The following SIL1 variants were observed in gnomAD, a reference collection of about 807,000 sequenced individuals.
The protein encoded by SIL1 is nucleotide exchange factor SIL1.
SIL1 carries 40 observed loss-of-function variants against 49.1 expected under a neutral mutation model. That is an observed-to-expected ratio of 0.81 (90% confidence interval 0.63 to 1.06). The LOEUF (loss-of-function observed/expected upper bound fraction) is 1.06, where lower values mean the gene tolerates loss of function less well. Among genes scored for constraint, SIL1 ranks in the 50% least tolerant of loss-of-function variants. SIL1 has a pLI of 0.00. For synonymous variants in SIL1, 253 were observed against 250.8 expected, an observed-to-expected ratio of 1.01 and a Z score of -0.08; for missense variants, 500 against 572.6, an observed-to-expected ratio of 0.87 and a Z score of 1.29.
intron 1 of SIL1, among the ~76,000 whole-genome samples, chr5:139,170,213 G>C (rs1173898000): frequency 1.3e-5 from 2 of 152,070 alleles, no homozygotes; most frequent in African/African-American, 4.8e-5. Context: ...ATCTCGGCTC[G>C]CTACAACCTC....
chr5:139,126,534 T>G (rs546082605), intron 2 of SIL1, among the ~76,000 whole-genome samples: 2 of 152,244 alleles, frequency 1.3e-5, no homozygotes, highest in Admixed American at 1.3e-4. Context: ...CGCCAACCCA[T>G]GCCAGAGACA....
intron 1 of SIL1, among the ~76,000 whole-genome samples, chr5:139,171,673 C>A (rs952407784): frequency 2.1e-5 from 3 of 144,774 alleles, no homozygotes; most frequent in Non-Finnish European, 4.5e-5. Flanking sequence ...TCCCCCTCTG[C>A]GAGAAACACC....
At chr5:139,002,735 G>A (rs1228983925) in intron 7 of SIL1, among the ~76,000 whole-genome samples, 1 of 152,132 alleles carries the variant, frequency 6.6e-6, no homozygotes, top group Non-Finnish European at 1.5e-5. Context: ...AGTTGCTGAG[G>A]TTACTGTTTG....
At chr5:138,984,899 T>C (rs1281597763) in intron 7 of SIL1, among the ~76,000 whole-genome samples, 1 of 152,178 alleles carries the variant, frequency 6.6e-6, no homozygotes, top group Non-Finnish European at 1.5e-5. Flanking sequence ...GATGAGATGC[T>C]TCTCAGGCGC....
At chr5:139,055,590 C>T (rs1216241479) in intron 3 of SIL1, among the ~76,000 whole-genome samples, 1 of 95,592 alleles carries the variant, frequency 1.0e-5, no homozygotes, top group Non-Finnish European at 2.1e-5. Context: ...ACATCACTGA[C>T]TCTCCCTCTC....
At chr5:139,021,546 A>T (rs1183018116) in intron 6 of SIL1, among the ~76,000 whole-genome samples, 1 of 152,222 alleles carries the variant, frequency 6.6e-6, no homozygotes, top group Non-Finnish European at 1.5e-5. Flanking sequence ...GCTATTGCTT[A>T]TGCCAAACAT....
intron 7 of SIL1, among the ~76,000 whole-genome samples, chr5:139,020,630 C>T (rs1012540529): frequency 1.3e-5 from 2 of 152,180 alleles, no homozygotes; most frequent in Non-Finnish European, 2.9e-5. Flanking sequence ...TCTACTCTTT[C>T]GAGATGCTAC....
At chr5:139,187,047 C>A (rs985443596) in intron 1 of SIL1, among the ~76,000 whole-genome samples, 2 of 152,194 alleles carry the variant, frequency 1.3e-5, no homozygotes, top group Non-Finnish European at 2.9e-5. Context: ...TTACACTCAG[C>A]ATTATGCTAA....
chr5:139,056,954 T>C (rs1034288403), intron 3 of SIL1, among the ~76,000 whole-genome samples: 5 of 152,122 alleles, frequency 3.3e-5, no homozygotes, highest in African/African-American at 1.2e-4. Flanking sequence ...TGGGAGACTT[T>C]TCATTTTGTT....
intron 4 of SIL1, among the ~76,000 whole-genome samples, chr5:139,043,103 T>C (rs1213440211): frequency 6.6e-6 from 1 of 152,202 alleles, no homozygotes; most frequent in East Asian, 1.9e-4. Context: ...TGTACTATCA[T>C]ACCTTTGTCT....
chr5:138,970,312 C>G (rs1023315830), intron 7 of SIL1, among the ~76,000 whole-genome samples: 1 of 152,172 alleles, frequency 6.6e-6, no homozygotes, highest in Admixed American at 6.5e-5. Flanking sequence ...GGCAAGCACC[C>G]AATGTGTGCA....
intron 7 of SIL1, among the ~76,000 whole-genome samples, chr5:138,979,758 G>A (rs1382250734): frequency 6.6e-6 from 1 of 152,216 alleles, no homozygotes; most frequent in Non-Finnish European, 1.5e-5. Flanking sequence ...CTTGCCAGGA[G>A]GCAGGGGTGA....
rs1750992527 is a variant in SIL1, at chr5:139,137,258, CCT to C, written c.-10-9407_-10-9406del. ...TAGTTCATTTACTCTTCACGACAAC[CCT>C]CTGAGGTGGTTCCAATATGCTGCTC... is the stretch of plus-strand genomic sequence containing the variant. On this transcript the variant is annotated intron_variant, in intron 1 of 9. Coordinates refer to ENST00000394817, the MANE Select transcript of SIL1 (RefSeq NM_022464.5). 1.4e-5 allele frequency: 10 copies of C among 699,292 alleles called. No homozygotes were observed. The Middle Eastern group carries it at 6.9e-4, about 48-fold the overall frequency. 43.3% of individuals were successfully genotyped at this position (699,292 alleles called of 1,614,324 possible). A position where few individuals can be genotyped will look rare whatever the true frequency, so the allele number is the denominator to read the frequency against.
chr5:139,032,745 A>G (rs1768819983), intron 5 of SIL1: 1 of 152,332 alleles, frequency 6.6e-6, no homozygotes, highest in South Asian at 2.1e-4. Context: ...TTTAATGGTT[A>G]TAGGACTACT....
Position 138,966,085 on chromosome 5 carries a change from C to T in SIL1, c.768-14201G>A, listed in dbSNP as rs11951485. 8.6e-4 allele frequency among the ~76,000 whole-genome samples: 131 copies of T among 152,042 alleles called. 1 individual carries two copies. Among genetic ancestry groups the T allele is most frequent in the African/African-American group, 3.1e-3 (127 of 41,442 alleles). The stretch of plus-strand genomic sequence containing the variant: ...AATGAGGGTTACTTCATGAGGCTAC[C>T]GAGGATTAAATGAGATACCAAATGT... On this transcript the variant is annotated intron_variant, in intron 7 of 9. Coordinates refer to ENST00000394817, the MANE Select transcript of SIL1 (RefSeq NM_022464.5).
chr5:139,135,902 T>C (rs1449177351), intron 1 of SIL1, among the ~76,000 whole-genome samples: 3 of 151,540 alleles, frequency 2.0e-5, no homozygotes, highest in African/African-American at 7.3e-5. Context: ...CCATCTCTAC[T>C]AAAAATACAA....
At chr5:139,116,252 T>C (rs1342502407) in intron 3 of SIL1, among the ~76,000 whole-genome samples, 1 of 152,232 alleles carries the variant, frequency 6.6e-6, no homozygotes, top group Non-Finnish European at 1.5e-5. Context: ...ACCAGATGGC[T>C]GGTGCTCTAT....
intron 1 of SIL1, among the ~76,000 whole-genome samples, chr5:139,169,473 T>C (rs533458879): frequency 5.4e-5 from 7 of 130,380 alleles, no homozygotes; most frequent in African/African-American, 1.6e-4. Flanking sequence ...TGTATATAGA[T>C]AGATTTTTTT....
chr5:139,033,780 A>C (rs1768844203), intron 5 of SIL1, among the ~76,000 whole-genome samples: 1 of 152,150 alleles, frequency 6.6e-6, no homozygotes, highest in Admixed American at 6.5e-5. Flanking sequence ...ACTTAAAAAG[A>C]ATGTATATTC....
Sources: allele counts gnomAD v4.1 joint callset (sites outside exome capture counted in the v4.1 genomes callset), GRCh38; gene constraint gnomAD v4.1.1; transcripts MANE v1.5; gene names NCBI Gene and HGNC (gene_info 2026-07-23, HGNC 2026-07-21).